CDYL2: variants seen among roughly 807,000 people sequenced by gnomAD.
CDYL2 encodes chromodomain Y like 2.
In CDYL2, 23 loss-of-function variants were observed where a neutral mutation model predicts 49.4. That is an observed-to-expected ratio of 0.47 (90% CI 0.34 to 0.66). CDYL2 has a LOEUF of 0.66. Ranked by LOEUF, CDYL2 falls within the 30% of genes least tolerant of loss-of-function variation. The pLI is 0.01. For synonymous variants in CDYL2, 360 were observed against 268.8 expected (o/e 1.34, Z -3.32); for missense variants, 678 against 656.4 (o/e 1.03, Z -0.36).
chr16:80,712,678 C>G (rs1005156176), intron 1 of CDYL2, among the ~76,000 whole-genome samples: 2 of 152,074 alleles, frequency 1.3e-5, no homozygotes, highest in African/African-American at 4.8e-5. Context: ...CAAAAGGTGC[C>G]TATGGGTAAC....
intron 2 of CDYL2, among the ~76,000 whole-genome samples, chr16:80,641,887 T>G (rs1191690404): frequency 6.7e-6 from 1 of 149,920 alleles, no homozygotes; most frequent in East Asian, 1.9e-4. Flanking sequence ...CCCTAAAACT[T>G]AAAGTATAAT....
chr16:80,704,835 TAAG>T (rs1046206135), intron 1 of CDYL2, among the ~76,000 whole-genome samples: 10 of 151,774 alleles, frequency 6.6e-5, no homozygotes, highest in African/African-American at 2.2e-4. Context: ...GAGATGAGAG[TAAG>T]AAAACAGACT....
intron 1 of CDYL2, among the ~76,000 whole-genome samples, chr16:80,752,840 A>G (rs1419339185): frequency 1.3e-5 from 2 of 152,200 alleles, no homozygotes; most frequent in East Asian, 1.9e-4. Context: ...GATGTGCACA[A>G]TCAACTCTCA....
intron 1 of CDYL2, among the ~76,000 whole-genome samples, chr16:80,743,071 C>T (rs943136435): frequency 1.3e-5 from 2 of 152,072 alleles, no homozygotes; most frequent in African/African-American, 2.4e-5. Flanking sequence ...GATGGACCGA[C>T]GGACGGACTC....
At chr16:80,626,917 A>G (rs1907330868) in intron 3 of CDYL2, among the ~76,000 whole-genome samples, 1 of 152,220 alleles carries the variant, frequency 6.6e-6, no homozygotes, top group Non-Finnish European at 1.5e-5. Flanking sequence ...AAGTGACACC[A>G]TGAAGACTCA....
At chr16:80,614,121 T>G (rs1266695717) in intron 4 of CDYL2, among the ~76,000 whole-genome samples, 1 of 152,228 alleles carries the variant, frequency 6.6e-6, no homozygotes, top group African/African-American at 2.4e-5. Flanking sequence ...TAGCACTCAG[T>G]AAACAGCTGT....
intron 1 of CDYL2, among the ~76,000 whole-genome samples, chr16:80,736,687 G>C (rs1047887417): frequency 6.6e-6 from 1 of 152,188 alleles, no homozygotes; most frequent in African/African-American, 2.4e-5. Context: ...AAAGTGGGAG[G>C]ATCACTTGAG....
intron 4 of CDYL2, among the ~76,000 whole-genome samples, chr16:80,615,147 T>C (rs1232539978): frequency 6.6e-6 from 1 of 152,216 alleles, no homozygotes; most frequent in Non-Finnish European, 1.5e-5. Flanking sequence ...CAAAAGGTAC[T>C]ACTTCAGAGA....
chr16:80,722,494 C>T (rs1272719011), intron 1 of CDYL2, among the ~76,000 whole-genome samples: 5 of 152,202 alleles, frequency 3.3e-5, no homozygotes, highest in African/African-American at 1.2e-4. Flanking sequence ...ATCGAGCCAA[C>T]AACGGCAAAG....
At chr16:80,707,600 C>T (rs1238905347) in intron 1 of CDYL2, among the ~76,000 whole-genome samples, 1 of 152,204 alleles carries the variant, frequency 6.6e-6, no homozygotes, top group Non-Finnish European at 1.5e-5. Context: ...TGGGTCAGAA[C>T]ATGCAGCTTC....
At chr16:80,645,312 C>T (rs919823132) in intron 2 of CDYL2, among the ~76,000 whole-genome samples, 19 of 152,196 alleles carry the variant, frequency 1.2e-4, no homozygotes, top group Admixed American at 1.2e-3. Context: ...ACCCCATCAA[C>T]AAGTGGGCGA....
rs1253453987 is a variant in CDYL2 at position 80,602,516 on chromosome 16, TG to T, written c.*1871del. On this transcript the variant is annotated 3_prime_UTR_variant, in exon 7 of 7. Transcript: ENST00000570137. ...TGGTGTAGACTATCAACGTGTTCTT[TG>T]AAACTCAAAGCTCAGGGCCACGAAT... 2 of 152,122 alleles carry T rather than the reference TG, an allele frequency of 1.3e-5. No individual in the cohort carries two copies. Among genetic ancestry groups the T allele is most frequent in the African/African-American group, 4.8e-5 (2 of 41,410 alleles). 9.4% of individuals were successfully genotyped at this position (152,122 alleles called of 1,614,324 possible).
chr16:80,618,182 C>T (rs539613550), intron 4 of CDYL2, among the ~76,000 whole-genome samples: 10 of 152,374 alleles, frequency 6.6e-5, no homozygotes, highest in South Asian at 4.1e-4. Context: ...GGGGAGCTCA[C>T]TTGCCCGCTG....
chr16:80,711,869 T>C (rs1037458093), intron 1 of CDYL2, among the ~76,000 whole-genome samples: 6 of 152,152 alleles, frequency 3.9e-5, no homozygotes, highest in East Asian at 3.9e-4. Flanking sequence ...ACACTCAGTA[T>C]GGCACTGCGG....
At chr16:80,796,447 C>T (rs928616711) in intron 1 of CDYL2, among the ~76,000 whole-genome samples, 2 of 152,206 alleles carry the variant, frequency 1.3e-5, no homozygotes, top group African/African-American at 4.8e-5. Context: ...CATCTTCTTT[C>T]CACCTTAGCC....
At position 80,771,318 on chromosome 16, in the gene CDYL2, G is replaced by A. The variant is rs369820188; in HGVS notation, c.24+32832C>T. Among the ~76,000 whole-genome samples the A allele has an allele frequency of 6.6e-5, 10 of 152,320 alleles. No individual in the cohort carries two copies. The South Asian group carries it at 1.2e-3, about 19-fold the overall frequency. On this transcript the variant is annotated intron_variant, in intron 1 of 6. Coordinates refer to ENST00000570137, the MANE Select transcript of CDYL2 (RefSeq NM_152342.4). ...GCAAAAATAGCCCAGGGTCTAGGGGGACTCCAGATGTTGAAATGTCAAACA... is the reference window on the plus strand; with the variant it reads ...GCAAAAATAGCCCAGGGTCTAGGGGAACTCCAGATGTTGAAATGTCAAACA...
At chr16:80,790,666 T>C (rs1907579853) in intron 1 of CDYL2, among the ~76,000 whole-genome samples, 1 of 152,212 alleles carries the variant, frequency 6.6e-6, no homozygotes, top group Non-Finnish European at 1.5e-5. Flanking sequence ...TTCTATTACT[T>C]GATCTGACTT....
intron 1 of CDYL2, among the ~76,000 whole-genome samples, chr16:80,762,628 C>G (rs763022104): frequency 4.6e-5 from 7 of 152,194 alleles, no homozygotes; most frequent in Non-Finnish European, 1.0e-4. Context: ...CCTGCTAATT[C>G]ACCTACTGTC....
At chr16:80,716,363 C>T (rs1314009094) in intron 1 of CDYL2, among the ~76,000 whole-genome samples, 1 of 152,184 alleles carries the variant, frequency 6.6e-6, no homozygotes, top group Non-Finnish European at 1.5e-5. Context: ...CTTACCACAG[C>T]TCCTGACATA....
Sources: gnomAD v4.1 joint callset for allele counts (sites outside exome capture counted in the v4.1 genomes callset) on GRCh38, gnomAD v4.1.1 for gene constraint, MANE v1.5 for transcripts, NCBI Gene and HGNC (gene_info 2026-07-23, HGNC 2026-07-21) for gene names.